Variants in TENM1 observed in about 807,000 individuals in gnomAD.
TENM1 encodes the protein teneurin transmembrane protein 1.
In TENM1, 35 loss-of-function variants were observed where a neutral mutation model predicts 174.8. The observed-to-expected ratio is 0.20, with a 90% CI of 0.15 to 0.27. The LOEUF is 0.27. Ranked by LOEUF, TENM1 falls within the 10% of genes least tolerant of loss-of-function variation. TENM1 has a pLI of 1.00. For synonymous variants in TENM1, 781 were observed against 798.7 expected (o/e 0.98, Z 0.37); for missense variants, 1,633 against 2,130.1 (o/e 0.77, Z 4.59).
intron 3 of TENM1, among the ~76,000 whole-genome samples, chrX:124,828,526 C>G (rs1313473980): frequency 8.9e-6 from 1 of 112,279 alleles, no homozygotes; most frequent in Non-Finnish European, 1.9e-5. Context: ...CAACATTAAA[C>G]AAACAGTATG....
intron 25 of TENM1, among the ~76,000 whole-genome samples, chrX:124,418,847 T>C (rs2060621092): frequency 8.9e-6 from 1 of 112,168 alleles, no homozygotes; most frequent in Non-Finnish European, 1.9e-5. Context: ...TTAAAACTTC[T>C]CATTAGAAAT....
At chrX:125,185,736 C>T in the TENM1 span, among the ~76,000 whole-genome samples, 64 of 111,965 alleles carry the variant, frequency 5.7e-4, no homozygotes, top group Non-Finnish European at 1.1e-3. Context: ...CCAAATTATC[C>T]TTCAAACATA....
chrX:125,137,717 G>A, the TENM1 span, among the ~76,000 whole-genome samples: 1 of 111,295 alleles, frequency 9.0e-6, no homozygotes, highest in African/African-American at 3.3e-5. Context: ...CTGAACAGAT[G>A]GCCAGTGATT....
intron 5 of TENM1, among the ~76,000 whole-genome samples, chrX:124,701,270 T>G (rs1006021582): frequency 2.7e-5 from 3 of 111,385 alleles, no homozygotes; most frequent in Non-Finnish European, 5.7e-5. Context: ...ACCCCTACTC[T>G]TCAGCTCATT....
chrX:124,380,291 T>A (rs1253870749), exon 32 of TENM1: 3 of 303,985 alleles, frequency 9.9e-6, no homozygotes, highest in Non-Finnish European at 1.7e-5. Context: ...TGTTTTTAGC[T>A]GTTTGAGTTC....
At chrX:125,201,945 C>T in the TENM1 span, among the ~76,000 whole-genome samples, 1 of 111,054 alleles carries the variant, frequency 9.0e-6, no homozygotes, top group East Asian at 2.8e-4. Context: ...TTCATTTTTC[C>T]CCACGTTGCA....
At chrX:124,872,854 A>T (rs1227906112) in intron 3 of TENM1, among the ~76,000 whole-genome samples, 1 of 111,642 alleles carries the variant, frequency 9.0e-6, no homozygotes, top group African/African-American at 3.3e-5. Context: ...ACAAGAAAGT[A>T]TATCCCCTCT....
chrX:125,036,310 T>G, the TENM1 span, among the ~76,000 whole-genome samples: 1 of 111,910 alleles, frequency 8.9e-6, no homozygotes, highest in Non-Finnish European at 1.9e-5. Context: ...TTTAAAAGAA[T>G]TATTTTTCAC....
chrX:125,187,690 T>G, the TENM1 span, among the ~76,000 whole-genome samples: 1,354 of 111,287 alleles, frequency 0.012, 24 homozygotes, highest in African/African-American at 0.041. Flanking sequence ...TTCTTTTCAT[T>G]TTTTGGTGTT....
chrX:124,616,518 G>A (rs1255467986), intron 11 of TENM1, among the ~76,000 whole-genome samples: 1 of 112,021 alleles, frequency 8.9e-6, no homozygotes, highest in Non-Finnish European at 1.9e-5. Flanking sequence ...TATGCAACAG[G>A]CACTCAGTTA....
At chrX:124,621,882 G>T (rs2050528243) in intron 11 of TENM1, among the ~76,000 whole-genome samples, 1 of 112,186 alleles carries the variant, frequency 8.9e-6, no homozygotes, top group Admixed American at 9.4e-5. Flanking sequence ...GAAATGCTTT[G>T]TGCAAGCTAG....
intron 15 of TENM1, among the ~76,000 whole-genome samples, chrX:124,544,332 T>A (rs2048385150): frequency 8.9e-6 from 1 of 112,394 alleles, no homozygotes; most frequent in African/African-American, 3.2e-5. Flanking sequence ...GTTCGAAATC[T>A]GACTGACACT....
chrX:124,905,625 C>T (rs2057735795), intron 1 of TENM1, among the ~76,000 whole-genome samples: 1 of 111,549 alleles, frequency 9.0e-6, no homozygotes, highest in Admixed American at 9.5e-5. Flanking sequence ...GTTTCCAGGC[C>T]TCAGGACAAG....
At chrX:124,393,522 T>C (rs1002880931) in intron 27 of TENM1, among the ~76,000 whole-genome samples, 3 of 112,245 alleles carry the variant, frequency 2.7e-5, no homozygotes, top group Non-Finnish European at 3.8e-5. Flanking sequence ...AGGGGAGCTT[T>C]GAAGAAGGCA....
intron 1 of TENM1, 148 bp downstream of exon 4, chrX:124,963,389 A>G (rs1201155165): frequency 2.0e-6 from 1 of 499,682 alleles, no homozygotes; most frequent in Non-Finnish European, 3.3e-6. Context: ...CTGGGCTGAC[A>G]TATGCAATAG....
chrX:124,745,277 G>A (rs2053890207), intron 3 of TENM1, among the ~76,000 whole-genome samples: 1 of 111,194 alleles, frequency 9.0e-6, no homozygotes, highest in African/African-American at 3.3e-5. Context: ...AGGAACCCTG[G>A]CATCTATAAT....
chrX:124,543,843 C>G (rs2048373774), intron 15 of TENM1, among the ~76,000 whole-genome samples: 1 of 112,506 alleles, frequency 8.9e-6, no homozygotes, highest in Non-Finnish European at 1.9e-5. Flanking sequence ...ACAGAACATA[C>G]ATATTCCATG....
At chrX:124,986,347 C>T in the TENM1 span, among the ~76,000 whole-genome samples, 4 of 110,967 alleles carry the variant, frequency 3.6e-5, no homozygotes, top group Non-Finnish European at 7.5e-5. Flanking sequence ...AAACTGTATG[C>T]TGAGGAAGAA....
intron 19 of TENM1, among the ~76,000 whole-genome samples, chrX:124,499,418 G>T (rs769048689): frequency 2.7e-5 from 3 of 111,631 alleles, no homozygotes; most frequent in Non-Finnish European, 3.8e-5. Flanking sequence ...TCAAATTTAA[G>T]CATTTTTACT....
Sources: allele counts gnomAD v4.1 joint callset (sites outside exome capture counted in the v4.1 genomes callset), GRCh38; gene constraint gnomAD v4.1.1; transcripts MANE v1.5; gene names NCBI Gene and HGNC (gene_info 2026-07-23, HGNC 2026-07-21).